TBX4: variants seen among roughly 807,000 people sequenced by gnomAD.
The protein encoded by TBX4 is T-box transcription factor TBX4.
TBX4 carries 13 observed loss-of-function variants against 54.6 expected under a neutral mutation model. The observed-to-expected ratio is 0.24, with a 90% CI of 0.15 to 0.38. The LOEUF is 0.38. Ranked by LOEUF, TBX4 falls within the 10% of genes least tolerant of loss-of-function variation. The pLI is 1.00. For synonymous variants in TBX4, 314 were observed against 306.7 expected, an observed-to-expected ratio of 1.02 and a Z score of -0.25; for missense variants, 631 against 728.5, an observed-to-expected ratio of 0.87 and a Z score of 1.54.
chr17:61,458,152 G>C (rs1421913922), intron 3 of TBX4, among the ~76,000 whole-genome samples: 1 of 151,822 alleles, frequency 6.6e-6, no homozygotes. Context: ...AAAGCACTAC[G>C]TTGGGCTCCG....
Position 61,483,647 on chromosome 17 carries a change from T to C in TBX4, c.*131T>C. 1 of 1,174,030 alleles carries C rather than the reference T, an allele frequency of 8.5e-7. No individual in the cohort carries two copies. The allele number at this position is 1,174,030 out of a possible 1,614,324, so 72.7% of individuals were successfully genotyped here. On this transcript the variant is annotated 3_prime_UTR_variant, in exon 9 of 9. Coordinates refer to ENST00000644296, the MANE Select transcript of TBX4 (RefSeq NM_001321120.2). The surrounding 1 kb of genome is among the most constrained non-coding windows in gnomAD (Gnocchi z 6.6). ...GTGTGTGTGTGTGTGTGTGTGTGTG[T>C]GTGTGTATACACGAGCATGTATGTA...
chr17:61,470,718 C>T (rs983406747), intron 5 of TBX4, among the ~76,000 whole-genome samples: 10 of 152,190 alleles, frequency 6.6e-5, no homozygotes, highest in Non-Finnish European at 1.5e-4. Context: ...CTCCAGGTGG[C>T]CTGAATTCAG....
chr17:61,455,011 C>T (rs532751712), intron 1 of TBX4, among the ~76,000 whole-genome samples: 1 of 152,290 alleles, frequency 6.6e-6, no homozygotes, highest in East Asian at 1.9e-4. Context: ...CCTAGGTTTC[C>T]GAGGCTCGGC....
chr17:61,483,652 G>GTGTGT lies in TBX4; in HGVS notation c.*137_*138insGTGTT. ...TGTGTGTGTGTGTGTGTGTGTGTGT[G>GTGTGT]TATACACGAGCATGTATGTATTTGG... On this transcript the variant is annotated 3_prime_UTR_variant, in exon 9 of 9. Coordinates refer to ENST00000644296, the MANE Select transcript of TBX4 (RefSeq NM_001321120.2). The surrounding 1 kb of genome is among the most constrained non-coding windows in gnomAD (Gnocchi z 6.6). 1 of 1,024,370 alleles carries GTGTGT rather than the reference G, an allele frequency of 9.8e-7. No individual in the cohort carries two copies. Among genetic ancestry groups the GTGTGT allele is most frequent in the Non-Finnish European group, 1.5e-6 (1 of 685,222 alleles). 63.5% of individuals were successfully genotyped at this position (1,024,370 alleles called of 1,614,324 possible). A position where few individuals can be genotyped will look rare whatever the true frequency, so the allele number is the denominator to read the frequency against.
At chr17:61,482,756 G>T in intron 8 of TBX4, 141 bp from the exon 9 acceptor site, 1 of 1,302,932 alleles carries the variant, frequency 7.7e-7, no homozygotes. Flanking sequence ...GTGGCTGATT[G>T]AAATGGCTCT....
At chr17:61,463,567 G>A (rs141378268) in intron 3 of TBX4, among the ~76,000 whole-genome samples, 5 of 152,372 alleles carry the variant, frequency 3.3e-5, no homozygotes, top group African/African-American at 7.2e-5. Context: ...AGCCCAGCAG[G>A]GAGAAGGAGA....
At chr17:61,473,544 C>T (rs2060596524) in intron 5 of TBX4, among the ~76,000 whole-genome samples, 1 of 152,216 alleles carries the variant, frequency 6.6e-6, no homozygotes, top group South Asian at 2.1e-4. Flanking sequence ...TCCCTCTTTC[C>T]TCCTTTCCTC....
rs1481957970 is a variant in TBX4, at chr17:61,483,636, G to GTGTGTGTGTGTT, written c.*131_*132insTTGTGTGTGTGT. ...CCAGTGTGTGTGTGTGTGTGTGTGT[G>GTGTGTGTGTGTT]TGTGTGTGTGTGTGTGTATACACGA... On this transcript the variant is annotated 3_prime_UTR_variant, in exon 9 of 9. Coordinates refer to ENST00000644296, the MANE Select transcript of TBX4 (RefSeq NM_001321120.2). The surrounding 1 kb of genome is among the most constrained non-coding windows in gnomAD (Gnocchi z 6.6). 6.2e-6 allele frequency: 7 copies of GTGTGTGTGTGTT among 1,134,504 alleles called. No homozygotes were observed. 70.3% of individuals were successfully genotyped at this position (1,134,504 alleles called of 1,614,324 possible).
Position 61,472,789 on chromosome 17 carries a change from AT to A in TBX4, c.549+5146del, listed in dbSNP as rs5821328. Among the ~76,000 whole-genome samples the A allele has an allele frequency of 8.7e-4, 126 of 144,892 alleles. No individual in the cohort carries two copies. The highest frequency in any genetic ancestry group is 3.6e-3 in the Middle Eastern group (1 of 274). Reference sequence around the variant, plus strand: ...GGCATTGATTTGAGGTGTGAATCCAATTTTTTTTTTTTTTCTACAGAGCTAT... The same window carrying A: ...GGCATTGATTTGAGGTGTGAATCCAATTTTTTTTTTTTTCTACAGAGCTAT... On this transcript the variant is annotated intron_variant, in intron 5 of 8. Transcript: ENST00000644296. The surrounding 1 kb of genome is among the most constrained non-coding windows in gnomAD (Gnocchi z 4.5).
chr17:61,470,118 G>C (rs1345321301), intron 5 of TBX4, among the ~76,000 whole-genome samples: 1 of 152,334 alleles, frequency 6.6e-6, no homozygotes, highest in African/African-American at 2.4e-5. Flanking sequence ...CAAGTTGAGA[G>C]CTCATGAGAG....
chr17:61,472,837 ATTGAG>A lies in TBX4; in HGVS notation c.549+5184_549+5188del, dbSNP rs1185814008. On this transcript the variant is annotated intron_variant, in intron 5 of 8. Coordinates refer to ENST00000644296, the MANE Select transcript of TBX4 (RefSeq NM_001321120.2). This position sits in a 1 kb window ranked among gnomAD's most constrained non-coding sequence, Gnocchi z 4.5. Reference sequence around the variant, plus strand: ...CTATCCAGTTGTCCCAGCATCACTAATTGAGTTGTCCCCTTTCCTCCCCTGGTTGA... The same window carrying A: ...CTATCCAGTTGTCCCAGCATCACTAATTGTCCCCTTTCCTCCCCTGGTTGA... 5.9e-5 allele frequency among the ~76,000 whole-genome samples: 9 copies of A among 151,296 alleles called. No individual in the cohort carries two copies. Among genetic ancestry groups the A allele is most frequent in the African/African-American group, 2.2e-4 (9 of 41,020 alleles).
rs947467682 is a variant in TBX4 at position 61,457,063 on chromosome 17, G to A, written c.186+387G>A. Among the ~76,000 whole-genome samples the A allele has an allele frequency of 6.6e-6, 1 of 152,188 alleles. No homozygotes were observed. The highest frequency in any genetic ancestry group is 2.4e-5 in the African/African-American group (1 of 41,464). On this transcript the variant is annotated intron_variant, in intron 2 of 8. Coordinates refer to ENST00000644296, the MANE Select transcript of TBX4 (RefSeq NM_001321120.2). The surrounding 1 kb of genome is among the most constrained non-coding windows in gnomAD (Gnocchi z 8.2). ...CACCCCGCCGGTGCGCACGGGAGCC[G>A]CTGCGGGGATCCGAGGCCTCTGGGA...
chr17:61,453,905 C>T (rs937867793), intron 1 of TBX4, among the ~76,000 whole-genome samples: 2 of 152,034 alleles, frequency 1.3e-5, no homozygotes, highest in Admixed American at 1.3e-4. Flanking sequence ...ATTGAAACAG[C>T]GTGACAAAGT....
At position 61,479,194 on chromosome 17, in the gene TBX4, G is replaced by T. The variant is rs1409828295; in HGVS notation, c.702+415G>T. Among the ~76,000 whole-genome samples the T allele has an allele frequency of 6.6e-6, 1 of 152,154 alleles. No individual in the cohort carries two copies. The highest frequency in any genetic ancestry group is 1.9e-4 in the East Asian group (1 of 5,170). On this transcript the variant is annotated intron_variant, in intron 6 of 8. Transcript: ENST00000644296. This position sits in a 1 kb window ranked among gnomAD's most constrained non-coding sequence, Gnocchi z 6.1. ...GGGTGCTGTCAGCTGGGGTGTGGAA[G>T]CAGAGCCTGAGCGGAGGCCCTTCCC...
rs1603248597 is a variant in TBX4, at chr17:61,457,577, T to C, written c.227T>C (p.Leu76Pro). ...NIKVGLHEKELWKKFHEAGTE... is the reference protein window; with the variant it reads ...NIKVGLHEKEPWKKFHEAGTE... ...AAGGTGGGGCTGCATGAGAAGGAGCTCTGGAAGAAGTTCCACGAGGCGGGC... is the reference window on the plus strand; with the variant it reads ...AAGGTGGGGCTGCATGAGAAGGAGCCCTGGAAGAAGTTCCACGAGGCGGGC... Residue 76 changes from leucine (L) to proline (P), a missense_variant, in exon 3 of 9, where the codon CTC becomes CCC. Leu to Pro is a moderately conservative substitution (Grantham distance 98). Transcript: ENST00000644296. The surrounding 1 kb of genome is among the most constrained non-coding windows in gnomAD (Gnocchi z 8.2). 6.2e-7 allele frequency: 1 copy of C among 1,613,542 alleles called. No homozygotes were observed. The highest frequency in any genetic ancestry group is 1.3e-5 in the African/African-American group (1 of 74,742).
At position 61,483,413 on chromosome 17, in the gene TBX4, C is replaced by T; in HGVS notation, c.1538C>T (p.Ala513Val). 1 of 1,613,564 alleles carries T rather than the reference C, an allele frequency of 6.2e-7. No individual in the cohort carries two copies. The highest frequency in any genetic ancestry group is 1.1e-5 in the South Asian group (1 of 91,044). Residue 513 changes from alanine to valine, a missense_variant, in exon 9 of 9, where the codon GCT becomes GTT. By Grantham distance (64) the Ala-to-Val change is moderately conservative. Coordinates refer to ENST00000644296, the MANE Select transcript of TBX4 (RefSeq NM_001321120.2). This position sits in a 1 kb window ranked among gnomAD's most constrained non-coding sequence, Gnocchi z 6.6. ...ERKPPSPHLN[A>V]ANEFLYSQTF... ...AAGCCACCCTCGCCACATCTAAATGCTGCCAATGAGTTTCTCTACTCTCAA... is the reference window on the plus strand; with the variant it reads ...AAGCCACCCTCGCCACATCTAAATGTTGCCAATGAGTTTCTCTACTCTCAA...
rs968233644 is a variant in TBX4, at chr17:61,474,590, G to A, written c.550-4037G>A. 1.1e-4 allele frequency among the ~76,000 whole-genome samples: 17 copies of A among 152,232 alleles called. No homozygotes were observed. Among genetic ancestry groups the A allele is most frequent in the South Asian group, 2.1e-4 (1 of 4,834 alleles). ...TCTCTTGAGGAGAGGGATGTTTGGC[G>A]CAATTGCAGTTGTTAAAATAGAACA... On this transcript the variant is annotated intron_variant, in intron 5 of 8. Coordinates refer to ENST00000644296, the MANE Select transcript of TBX4 (RefSeq NM_001321120.2). The surrounding 1 kb of genome is among the most constrained non-coding windows in gnomAD (Gnocchi z 4.6).
intron 4 of TBX4, among the ~76,000 whole-genome samples, chr17:61,467,278 C>T (rs1231178417): frequency 6.6e-6 from 1 of 152,224 alleles, no homozygotes; most frequent in Non-Finnish European, 1.5e-5. Flanking sequence ...TGTAACCTCC[C>T]TTTTCTTTTC....
At chr17:61,469,332 G>T (rs567843193) in intron 5 of TBX4, among the ~76,000 whole-genome samples, 2 of 152,338 alleles carry the variant, frequency 1.3e-5, no homozygotes, top group East Asian at 3.9e-4. Flanking sequence ...TGAGTGGTTT[G>T]TGATAAACTG....
Sources: gnomAD v4.1 joint callset for allele counts (sites outside exome capture counted in the v4.1 genomes callset) on GRCh38, gnomAD v4.1.1 for gene constraint, Gnocchi (gnomAD v3.1) non-coding constraint, MANE v1.5 for transcripts, NCBI Gene and HGNC (gene_info 2026-07-23, HGNC 2026-07-21) for gene names.